PRKDC: variants seen among roughly 807,000 people sequenced by gnomAD.
PRKDC encodes the protein DNA-dependent protein kinase catalytic subunit.
A neutral mutation model predicts 486.9 loss-of-function variants in PRKDC; 82 were observed. The observed-to-expected ratio is 0.17, with a 90% CI of 0.14 to 0.20. PRKDC has a LOEUF of 0.20. Among genes scored for constraint, PRKDC ranks in the 10% least tolerant of loss-of-function variants. PRKDC has a pLI of 1.00. For missense variants in PRKDC, 4,504 were observed against 5,038.2 expected (o/e 0.89, Z 3.21); for synonymous variants, 1,895 against 1,837.0 (o/e 1.03, Z -0.81).
At chr8:47,907,216 A>C (rs1456770064) in intron 25 of PRKDC, among the ~76,000 whole-genome samples, 5 of 150,276 alleles carry the variant, frequency 3.3e-5, no homozygotes, top group African/African-American at 1.2e-4. Context: ...AATTTTCTGT[A>C]CCTTTAGTAG....
At chr8:47,787,224 T>G (rs945934069) in intron 76 of PRKDC, among the ~76,000 whole-genome samples, 1 of 152,202 alleles carries the variant, frequency 6.6e-6, no homozygotes, top group Admixed American at 6.5e-5. Flanking sequence ...TTAGAAATGT[T>G]TTTACCAAAT....
chr8:47,827,547 TTC>T (rs1355165308), intron 62 of PRKDC, among the ~76,000 whole-genome samples: 1 of 152,232 alleles, frequency 6.6e-6, no homozygotes, highest in Non-Finnish European at 1.5e-5. Context: ...TGGAAAGGAC[TTC>T]TCTGACCACT....
At chr8:47,910,772 G>A (rs1002527622) in intron 25 of PRKDC, among the ~76,000 whole-genome samples, 1 of 152,008 alleles carries the variant, frequency 6.6e-6, no homozygotes, top group Admixed American at 6.6e-5. Context: ...AGGTACATAA[G>A]CTATTCATCT....
chr8:47,937,951 C>T (rs563393748), intron 11 of PRKDC, among the ~76,000 whole-genome samples: 2 of 151,952 alleles, frequency 1.3e-5, no homozygotes, highest in African/African-American at 2.4e-5. Flanking sequence ...ATCGTCTCTA[C>T]GAAAGATTAA....
chr8:47,827,957 T>A (rs377405041), intron 62 of PRKDC, among the ~76,000 whole-genome samples: 1 of 152,264 alleles, frequency 6.6e-6, no homozygotes, highest in Non-Finnish European at 1.5e-5. Context: ...ACATGTTTGA[T>A]TTCTGGTTAT....
intron 50 of PRKDC, among the ~76,000 whole-genome samples, chr8:47,854,765 C>T (rs984264766): frequency 7.9e-5 from 12 of 152,248 alleles, no homozygotes; most frequent in Admixed American, 2.0e-4. Flanking sequence ...ATCCAATATC[C>T]CTGCTTGCTA....
At chr8:47,849,941 T>C (rs1327074611) in intron 52 of PRKDC, among the ~76,000 whole-genome samples, 1 of 152,252 alleles carries the variant, frequency 6.6e-6, no homozygotes, top group Non-Finnish European at 1.5e-5. Context: ...ACTAGAATTT[T>C]CAAGCAATTC....
chr8:47,792,370 T>C (rs1050752054), intron 74 of PRKDC, among the ~76,000 whole-genome samples: 3 of 151,670 alleles, frequency 2.0e-5, no homozygotes, highest in Non-Finnish European at 4.4e-5. Context: ...GCCATTCTCC[T>C]GCCTCAGCCT....
intron 76 of PRKDC, among the ~76,000 whole-genome samples, chr8:47,786,723 CTT>C (rs5891257): frequency 2.3e-5 from 2 of 88,250 alleles, no homozygotes; most frequent in African/African-American, 4.7e-5. Context: ...ATTATTTAAT[CTT>C]TTTTTTTTTT....
intron 29 of PRKDC, 44 bp downstream of exon 29, chr8:47,898,426 T>A (rs376180557): frequency 2.7e-6 from 4 of 1,455,450 alleles, no homozygotes; most frequent in Non-Finnish European, 2.8e-6. Flanking sequence ...GTGAATTAGT[T>A]TTATGTTGTG....
At chr8:47,824,093 T>C (rs1316600960) in intron 63 of PRKDC, 97 bp from the exon 64 acceptor site, 1 of 1,196,194 alleles carries the variant, frequency 8.4e-7, no homozygotes, top group Non-Finnish European at 1.1e-6. Flanking sequence ...TGCCACACAT[T>C]ATATTAACAA....
At chr8:47,873,936 T>C (rs1001460006) in intron 40 of PRKDC, among the ~76,000 whole-genome samples, 1 of 151,670 alleles carries the variant, frequency 6.6e-6, no homozygotes, top group Admixed American at 6.6e-5. Context: ...AAATAAGATC[T>C]AGTATTTGAT....
At chr8:47,830,852 T>G in intron 60 of PRKDC, 116 bp from the exon 61 acceptor site, 1 of 1,299,546 alleles carries the variant, frequency 7.7e-7, no homozygotes, top group Non-Finnish European at 1.1e-6. Flanking sequence ...TGGTGGGAAC[T>G]GATGCTCGCA....
intron 64 of PRKDC, among the ~76,000 whole-genome samples, chr8:47,822,274 C>A (rs2087616858): frequency 1.3e-5 from 2 of 150,890 alleles, no homozygotes; most frequent in African/African-American, 4.9e-5. Flanking sequence ...GCCTGGGTGA[C>A]CCTGTTTTAA....
chr8:47,904,917 G>A lies in PRKDC; in HGVS notation c.2994C>T (p.Asn998=). 4 of 1,613,642 alleles carry A rather than the reference G, an allele frequency of 2.5e-6. No homozygotes were observed. The highest frequency in any genetic ancestry group is 3.4e-6 in the Non-Finnish European group (4 of 1,179,692). The stretch of plus-strand genomic sequence containing the variant: ...CAGTATCCTGACTTTCAAATTTCTT[G>A]TTGTTAGTGAACCAGTGAATCAGCT... The part of the protein sequence containing the change: ...VMQLIHWFTN[N]KKFESQDTVA... Residue 998 remains asparagine (N), a synonymous_variant, in exon 26 of 86, where the codon AAC becomes AAT. Transcript: ENST00000314191.
intron 68 of PRKDC, among the ~76,000 whole-genome samples, chr8:47,816,337 CCAAA>C (rs1235613282): frequency 1.2e-4 from 18 of 152,222 alleles, no homozygotes; most frequent in African/African-American, 4.3e-4. Flanking sequence ...TAAGACAAAC[CCAAA>C]CAGAGGAACA....
chr8:47,816,679 A>G (rs2087454439), intron 68 of PRKDC, among the ~76,000 whole-genome samples: 1 of 152,234 alleles, frequency 6.6e-6, no homozygotes, highest in African/African-American at 2.4e-5. Context: ...GGTCTGGTAG[A>G]AAAGAAAAAA....
intron 56 of PRKDC, among the ~76,000 whole-genome samples, chr8:47,837,870 T>C (rs1253225690): frequency 1.3e-5 from 2 of 152,168 alleles, no homozygotes; most frequent in Non-Finnish European, 2.9e-5. Context: ...GTGCAGTGGC[T>C]CAGGCGTGTA....
At chr8:47,877,935 A>G (rs2089124435) in intron 39 of PRKDC, 84 bp from the exon 40 acceptor site, 1 of 1,009,000 alleles carries the variant, frequency 9.9e-7, no homozygotes, top group Non-Finnish European at 1.3e-6. Context: ...AAAAATATAA[A>G]AAGTTTCTTA....
Sources: gnomAD v4.1 joint callset for allele counts (sites outside exome capture counted in the v4.1 genomes callset) on GRCh38, gnomAD v4.1.1 for gene constraint, MANE v1.5 for transcripts, NCBI Gene and HGNC (gene_info 2026-07-23, HGNC 2026-07-21) for gene names.